Variants in CHN2 observed in about 807,000 individuals in gnomAD.
The protein encoded by CHN2 is beta-chimaerin.
Under a neutral mutation model 56.3 loss-of-function variants are expected in CHN2, and 35 were observed. The observed-to-expected ratio is 0.62, with a 90% CI of 0.47 to 0.82. The LOEUF is 0.82. Among genes scored for constraint, CHN2 ranks in the 40% least tolerant of loss-of-function variants. CHN2 has a pLI of 0.00. For synonymous variants in CHN2, 210 were observed against 212.8 expected, an observed-to-expected ratio of 0.99 and a Z score of 0.12; for missense variants, 491 against 580.5, an observed-to-expected ratio of 0.85 and a Z score of 1.58.
At chr7:29,333,578 G>T (rs1391028481) in intron 1 of CHN2, among the ~76,000 whole-genome samples, 1 of 152,212 alleles carries the variant, frequency 6.6e-6, no homozygotes, top group African/African-American at 2.4e-5. Flanking sequence ...CTGGAAGCAG[G>T]TTGGATGAAC....
intron 1 of CHN2, among the ~76,000 whole-genome samples, chr7:29,286,722 A>G (rs889171770): frequency 2.0e-5 from 3 of 152,192 alleles, no homozygotes; most frequent in African/African-American, 7.2e-5. Context: ...CTGTGATTCC[A>G]CAATTCCTTT....
intron 2 of CHN2, among the ~76,000 whole-genome samples, chr7:29,183,822 A>G (rs565580804): frequency 1.3e-5 from 2 of 152,318 alleles, no homozygotes; most frequent in South Asian, 2.1e-4. Flanking sequence ...TCAGCTCTCT[A>G]TATTTGTAGA....
At chr7:29,220,797 G>C (rs1283158441) in intron 1 of CHN2, among the ~76,000 whole-genome samples, 1 of 152,072 alleles carries the variant, frequency 6.6e-6, no homozygotes, top group Non-Finnish European at 1.5e-5. Context: ...CTTAAATCAT[G>C]TGTGAAATCA....
chr7:29,220,179 G>A (rs1785665785), intron 1 of CHN2, among the ~76,000 whole-genome samples: 1 of 151,330 alleles, frequency 6.6e-6, no homozygotes, highest in Admixed American at 6.6e-5. Flanking sequence ...CCCAAAGATG[G>A]TAATTGCTTG....
chr7:29,248,433 T>G lies in CHN2; in HGVS notation c.49+53443T>G, dbSNP rs578210545. Among the ~76,000 whole-genome samples, 3 of 152,326 alleles carry G rather than the reference T, an allele frequency of 2.0e-5. No homozygotes were observed. The South Asian group carries it at 6.2e-4, about 32-fold the overall frequency. ...GCTTTCAGTTCTTCCTCTTAACTTC[T>G]GCTGTTGTGACGTTAGTTTGGGCCC... On this transcript the variant is annotated intron_variant, in intron 1 of 12. Transcript: ENST00000222792.
intron 1 of CHN2, among the ~76,000 whole-genome samples, chr7:29,329,277 A>G (rs1007396042): frequency 2.7e-5 from 4 of 146,662 alleles, no homozygotes; most frequent in Admixed American, 1.4e-4. Flanking sequence ...GAAATGAAAT[A>G]GTAGTATGGC....
In CHN2 at chr7:29,512,921, T is replaced by C. The variant is rs1791662052; in HGVS notation, c.*186T>C. On this transcript the variant is annotated 3_prime_UTR_variant, in exon 13 of 13. Transcript: ENST00000222792. ...CGCCACCTCCACGTGAGAACAAGGG[T>C]GAAGGTGAGGGAAGCCCCTCACCTT... 1.8e-6 allele frequency: 1 copy of C among 556,440 alleles called. No homozygotes were observed. The highest frequency in any genetic ancestry group is 3.6e-5 in the Admixed American group (1 of 27,848). The allele number at this position is 556,440 out of a possible 1,614,324, so 34.5% of individuals were successfully genotyped here. A position where few individuals can be genotyped will look rare whatever the true frequency, so the allele number is the denominator to read the frequency against.
At chr7:29,492,270 G>T (rs1204296240) in intron 7 of CHN2, among the ~76,000 whole-genome samples, 1 of 151,940 alleles carries the variant, frequency 6.6e-6, no homozygotes, top group Non-Finnish European at 1.5e-5. Context: ...ACCTGTTTTG[G>T]TTTTTGTTGT....
rs1164239417 is a variant in CHN2 at position 29,499,871 on chromosome 7, T to C, written c.744T>C (p.Cys248=). Residue 248 remains cysteine (C), a synonymous_variant, in exon 9 of 13, where the codon TGT becomes TGC. Coordinates refer to ENST00000222792, the MANE Select transcript of CHN2 (RefSeq NM_004067.4). ...ATGTGGCTTCTTTGTTTACAGACTG[T>C]GGATTGAACGTACACAAACAGTGTT... ...LIAQGVRCSD[C]GLNVHKQCSK... 1 of 1,587,106 alleles carries C rather than the reference T, an allele frequency of 6.3e-7. No individual in the cohort carries two copies. The highest frequency in any genetic ancestry group is 1.2e-5 in the South Asian group (1 of 85,364).
At chr7:29,498,837 C>T (rs898459802) in intron 8 of CHN2, among the ~76,000 whole-genome samples, 2 of 144,408 alleles carry the variant, frequency 1.4e-5, no homozygotes, top group African/African-American at 5.2e-5. Context: ...TCTCAGCTTA[C>T]TGCAACCTCT....
At position 29,343,447 on chromosome 7, in the gene CHN2, C is replaced by T. The variant is rs1267604059; in HGVS notation, c.50-11178C>T. Among the ~76,000 whole-genome samples, 3 of 152,252 alleles carry T rather than the reference C, an allele frequency of 2.0e-5. No individual in the cohort carries two copies. In the East Asian group the frequency reaches 5.8e-4, roughly 29 times the overall value. ...GCTTTCATTTCTCCATCAAACCTCCCTCTTACAAGCTCTATTTTCTCAATT... is the reference window on the plus strand; with the variant it reads ...GCTTTCATTTCTCCATCAAACCTCCTTCTTACAAGCTCTATTTTCTCAATT... On this transcript the variant is annotated intron_variant, in intron 1 of 12. Coordinates refer to ENST00000222792, the MANE Select transcript of CHN2 (RefSeq NM_004067.4).
chr7:29,216,526 T>C (rs1785357899), intron 1 of CHN2, among the ~76,000 whole-genome samples: 1 of 152,236 alleles, frequency 6.6e-6, no homozygotes, highest in African/African-American at 2.4e-5. Context: ...CTTTTTAGCT[T>C]ATCATTCCGC....
chr7:29,339,598 A>G (rs1796886699), intron 1 of CHN2, among the ~76,000 whole-genome samples: 1 of 152,210 alleles, frequency 6.6e-6, no homozygotes, highest in Non-Finnish European at 1.5e-5. Flanking sequence ...CACGCCTATA[A>G]TCCCAGCATT....
At chr7:29,249,692 G>A (rs758747720) in intron 1 of CHN2, among the ~76,000 whole-genome samples, 9 of 152,126 alleles carry the variant, frequency 5.9e-5, no homozygotes, top group Non-Finnish European at 8.8e-5. Flanking sequence ...TCATCCACGT[G>A]TATCTTGCAG....
chr7:29,329,376 C>CAAAAAAAAA lies in CHN2; in HGVS notation c.50-25231_50-25223dup, dbSNP rs10667833. On this transcript the variant is annotated intron_variant, in intron 1 of 12. Transcript: ENST00000222792. The stretch of plus-strand genomic sequence containing the variant: ...ACTAGCTTTAAACCTTCAGATAAGG[C>CAAAAAAAAA]AAAAAAAAAAAAAAAAAAAAAAAAA... 1.9e-4 allele frequency among the ~76,000 whole-genome samples: 7 copies of CAAAAAAAAA among 37,252 alleles called. 2 individuals are homozygous for CAAAAAAAAA. The highest frequency in any genetic ancestry group is 2.2e-3 in the East Asian group (2 of 912). 24.4% of individuals were successfully genotyped at this position (37,252 alleles called of 152,430 possible).
chr7:29,293,071 A>G (rs1792770990), intron 1 of CHN2: 1 of 454,208 alleles, frequency 2.2e-6, no homozygotes, highest in Non-Finnish European at 4.4e-6. Flanking sequence ...CTTCCATTGC[A>G]AAGACAGAGC....
At chr7:29,386,333 C>T (rs1440529337) in intron 3 of CHN2, among the ~76,000 whole-genome samples, 3 of 152,142 alleles carry the variant, frequency 2.0e-5, no homozygotes, top group African/African-American at 7.2e-5. Context: ...CACAAATCCC[C>T]CCATCAAAAG....
chr7:29,233,997 C>T (rs1458599789), intron 1 of CHN2, among the ~76,000 whole-genome samples: 1 of 150,174 alleles, frequency 6.7e-6, no homozygotes, highest in East Asian at 2.0e-4. Flanking sequence ...CCACGCCCGG[C>T]TAATTTTTTG....
chr7:29,258,496 C>T (rs548177994), intron 1 of CHN2, among the ~76,000 whole-genome samples: 33 of 152,298 alleles, frequency 2.2e-4, no homozygotes, highest in African/African-American at 5.3e-4. Context: ...GTTTTCTCCA[C>T]GGCCTGTTAA....
Sources: allele counts gnomAD v4.1 joint callset (sites outside exome capture counted in the v4.1 genomes callset), GRCh38; gene constraint gnomAD v4.1.1; transcripts MANE v1.5; gene names NCBI Gene and HGNC (gene_info 2026-07-23, HGNC 2026-07-21).